The following TXNDC12 variants were observed in gnomAD, a reference collection of about 807,000 sequenced individuals.
The protein encoded by TXNDC12 is thioredoxin domain-containing protein 12.
Under a neutral mutation model 24.2 loss-of-function variants are expected in TXNDC12, and 22 were observed. The observed-to-expected ratio is 0.91, with a 90% confidence interval of 0.65 to 1.30. TXNDC12 has a LOEUF of 1.30. Among genes scored for constraint, TXNDC12 ranks in the 50% most tolerant of loss-of-function variants. The pLI, the probability that TXNDC12 is intolerant of heterozygous loss-of-function variation, is 0.00. For missense variants in TXNDC12, 184 were observed against 205.8 expected (o/e 0.89, Z 0.65); for synonymous variants, 58 against 73.4 (o/e 0.79, Z 1.07).
At chr1:52,025,932 G>A (rs1393313740) in intron 4 of TXNDC12, among the ~76,000 whole-genome samples, 2 of 151,330 alleles carry the variant, frequency 1.3e-5, no homozygotes, top group African/African-American at 2.4e-5. Context: ...TGGGTCAAGC[G>A]ATTCTCCTGC....
At chr1:52,037,512 C>A (rs1454445746) in intron 2 of TXNDC12, among the ~76,000 whole-genome samples, 1 of 152,064 alleles carries the variant, frequency 6.6e-6, no homozygotes, top group Non-Finnish European at 1.5e-5. Context: ...GGCCCAGCCG[C>A]AAATAGACTT....
chr1:52,051,623 C>T (rs1203023539), intron 1 of TXNDC12, among the ~76,000 whole-genome samples: 2 of 152,232 alleles, frequency 1.3e-5, no homozygotes, highest in Admixed American at 1.3e-4. Context: ...AGGTGATTGA[C>T]CTGCCTCAGC....
intron 6 of TXNDC12, 115 bp downstream of exon 6, chr1:52,023,370 TATAGAC>T (rs1395023172): frequency 4.0e-5 from 30 of 758,270 alleles, no homozygotes; most frequent in Non-Finnish European, 6.4e-5. Context: ...GGCCAAAAGC[TATAGAC>T]ATGCAGGAGA....
chr1:52,032,483 GCAC>G, intron 2 of TXNDC12: 2 of 1,323,536 alleles, frequency 1.5e-6, no homozygotes, highest in East Asian at 2.8e-5. Flanking sequence ...TTGCCAGGTT[GCAC>G]CACAATAGTT....
At chr1:52,032,687 C>T (rs1457348404) in intron 2 of TXNDC12, 1 of 1,573,042 alleles carries the variant, frequency 6.4e-7, no homozygotes, top group Non-Finnish European at 8.6e-7. Flanking sequence ...TTCCCCCCTA[C>T]CTCCTCTGGT....
intron 5 of TXNDC12, among the ~76,000 whole-genome samples, chr1:52,023,919 T>C (rs975430265): frequency 3.9e-5 from 6 of 152,114 alleles, no homozygotes; most frequent in Admixed American, 3.3e-4. Context: ...TCTGTCTCTG[T>C]AGTGTCTAAT....
chr1:52,033,273 A>G (rs1051611415), intron 2 of TXNDC12: 1 of 1,613,862 alleles, frequency 6.2e-7, no homozygotes, highest in East Asian at 2.2e-5. Flanking sequence ...GGGCACTTCC[A>G]TTTACTACAG....
At chr1:52,030,120 AG>A (rs1685728357) in intron 2 of TXNDC12, among the ~76,000 whole-genome samples, 1 of 152,118 alleles carries the variant, frequency 6.6e-6, no homozygotes, top group Admixed American at 6.5e-5. Context: ...CTGTAATCTC[AG>A]CACTTTGGGA....
intron 2 of TXNDC12, chr1:52,033,428 C>T: frequency 8.1e-6 from 13 of 1,610,394 alleles, no homozygotes; most frequent in Non-Finnish European, 1.1e-5. Flanking sequence ...GCGATCGGGC[C>T]GCCGGGCCGT....
intron 1 of TXNDC12, among the ~76,000 whole-genome samples, chr1:52,045,216 T>C (rs1557997800): frequency 2.6e-5 from 4 of 152,280 alleles, no homozygotes; most frequent in Non-Finnish European, 5.9e-5. Flanking sequence ...ATTATGGAGA[T>C]AGTAACAGAT....
chr1:52,054,116 C>T (rs1317109098), intron 1 of TXNDC12, among the ~76,000 whole-genome samples: 2 of 151,776 alleles, frequency 1.3e-5, no homozygotes, highest in African/African-American at 4.8e-5. Context: ...TGAATGCCCA[C>T]CCAATCTTAT....
At position 52,020,490 on chromosome 1, in the gene TXNDC12, ATTGTTGTTG is replaced by A. The variant is rs1040709729; in HGVS notation, c.*434_*442del. Reference sequence around the variant, plus strand: ...TGATTTACACTTAGGATTTATTGTTATTGTTGTTGTTGTTGTTTTTTAATGATAAGCTAC... The same window carrying A: ...TGATTTACACTTAGGATTTATTGTTATTGTTGTTTTTTAATGATAAGCTAC... On this transcript the variant is annotated 3_prime_UTR_variant, in exon 7 of 7. Coordinates refer to ENST00000371626, the MANE Select transcript of TXNDC12 (RefSeq NM_015913.4). 1 of 235,790 alleles carries A rather than the reference ATTGTTGTTG, an allele frequency of 4.2e-6. No homozygotes were observed. Among genetic ancestry groups the A allele is most frequent in the Non-Finnish European group, 8.3e-6 (1 of 120,376 alleles). 14.6% of individuals were successfully genotyped at this position (235,790 alleles called of 1,614,324 possible). A position where few individuals can be genotyped will look rare whatever the true frequency, so the allele number is the denominator to read the frequency against.
upstream of TXNDC12, chr1:52,055,432 A>G: frequency 7.4e-6 from 2 of 269,234 alleles, no homozygotes; most frequent in Admixed American, 9.7e-5. Context: ...GGTTCGGGAG[A>G]ACCGTTGCTC....
intron 1 of TXNDC12, among the ~76,000 whole-genome samples, chr1:52,043,276 T>C (rs1259301978): frequency 6.6e-6 from 1 of 152,260 alleles, no homozygotes; most frequent in Non-Finnish European, 1.5e-5. Flanking sequence ...TAAATGTTTA[T>C]GTGTCCATCT....
chr1:52,024,465 C>T (rs1351740765), intron 5 of TXNDC12, 45 bp downstream of exon 5: 1 of 1,451,870 alleles, frequency 6.9e-7, no homozygotes, highest in South Asian at 1.2e-5. Context: ...TCATTTCTCT[C>T]TCCATCCACA....
At chr1:52,033,840 C>T in intron 2 of TXNDC12, 1 of 1,463,388 alleles carries the variant, frequency 6.8e-7, no homozygotes, top group Non-Finnish European at 9.0e-7. Context: ...GCCGGAAGTG[C>T]AAACTGCTCT....
chr1:52,033,605 C>T, intron 2 of TXNDC12: 1 of 1,613,042 alleles, frequency 6.2e-7, no homozygotes, highest in Non-Finnish European at 8.5e-7. Context: ...TTCTCACGGG[C>T]AGAATCGCCG....
chr1:52,036,307 GA>G (rs1685882184), intron 2 of TXNDC12, among the ~76,000 whole-genome samples: 3 of 152,182 alleles, frequency 2.0e-5, no homozygotes, highest in African/African-American at 7.2e-5. Flanking sequence ...ATGTTATTAA[GA>G]AAATCTTTCC....
intron 2 of TXNDC12, chr1:52,033,662 C>G: frequency 6.2e-7 from 1 of 1,611,276 alleles, no homozygotes; most frequent in South Asian, 1.1e-5. Context: ...TCGTCCACCA[C>G]GTACACCGCG....
Sources: gnomAD v4.1 joint callset for allele counts (sites outside exome capture counted in the v4.1 genomes callset) on GRCh38, gnomAD v4.1.1 for gene constraint, MANE v1.5 for transcripts, NCBI Gene and HGNC (gene_info 2026-07-23, HGNC 2026-07-21) for gene names.